The following SCAI variants were observed in gnomAD, a reference collection of about 807,000 sequenced individuals.
The protein encoded by SCAI is protein SCAI.
SCAI carries 24 observed loss-of-function variants against 92.2 expected under a neutral mutation model. That is an observed-to-expected ratio of 0.26 (90% CI 0.19 to 0.37). SCAI has a LOEUF of 0.37. Among genes scored for constraint, SCAI ranks in the 10% least tolerant of loss-of-function variants. The pLI is 1.00. For synonymous variants in SCAI, 261 were observed against 258.6 expected (o/e 1.01, Z -0.09); for missense variants, 450 against 736.2 (o/e 0.61, Z 4.50).
At chr9:125,055,770 TTA>T (rs1833650111) in intron 3 of SCAI, 104 bp downstream of exon 3, 2 of 820,758 alleles carry the variant, frequency 2.4e-6, no homozygotes, top group African/African-American at 1.7e-5. Flanking sequence ...ATACAGAAAT[TTA>T]TATGACATTC....
chr9:124,960,687 G>A (rs1394709989), intron 17 of SCAI, among the ~76,000 whole-genome samples: 3 of 152,138 alleles, frequency 2.0e-5, no homozygotes, highest in African/African-American at 7.2e-5. Flanking sequence ...CTAAAAAGGA[G>A]GATAGAAGGA....
chr9:125,121,258 G>A (rs542359834), intron 2 of SCAI, among the ~76,000 whole-genome samples: 2 of 149,146 alleles, frequency 1.3e-5, no homozygotes, highest in South Asian at 4.4e-4. Context: ...TTCAGTTGAG[G>A]GTTTATGGGT....
Position 125,003,577 on chromosome 9 carries a change from G to T in SCAI, c.862-7C>A. Reference sequence around the variant, plus strand: ...TTAGTTCACTGAACTTAACCTGCAAGAAAAAAAAAAACAAACACAACCTAG... The same window carrying T: ...TTAGTTCACTGAACTTAACCTGCAATAAAAAAAAAAACAAACACAACCTAG... On this transcript the variant is annotated splice_region_variant and splice_polypyrimidine_tract_variant and intron_variant, in intron 9 of 17. Transcript: ENST00000336505. 4 of 1,254,398 alleles carry T rather than the reference G, an allele frequency of 3.2e-6. No individual in the cohort carries two copies. The highest frequency in any genetic ancestry group is 4.3e-6 in the Non-Finnish European group (4 of 926,270). 77.7% of individuals were successfully genotyped at this position (1,254,398 alleles called of 1,614,324 possible). A position where few individuals can be genotyped will look rare whatever the true frequency, so the allele number is the denominator to read the frequency against.
intron 3 of SCAI, among the ~76,000 whole-genome samples, chr9:125,039,153 C>T (rs1221023596): frequency 6.6e-6 from 1 of 152,016 alleles, no homozygotes; most frequent in African/African-American, 2.4e-5. Context: ...TTTGGGAGGC[C>T]AAGGTGGGCA....
At chr9:125,010,211 G>C (rs1280184986) in intron 9 of SCAI, among the ~76,000 whole-genome samples, 1 of 152,238 alleles carries the variant, frequency 6.6e-6, no homozygotes, top group Non-Finnish European at 1.5e-5. Context: ...CCGTGCGCGA[G>C]CCGAAGCAGG....
chr9:125,109,859 G>C (rs1834897194), intron 2 of SCAI, among the ~76,000 whole-genome samples: 1 of 152,048 alleles, frequency 6.6e-6, no homozygotes, highest in African/African-American at 2.4e-5. Flanking sequence ...GCTAATTTTT[G>C]TATTTTTTAG....
rs1165601879 is a variant in SCAI, at chr9:125,091,362, A to G, written c.99-35355T>C. Reference sequence around the variant, plus strand: ...TTTTCTGCTTAAGTTGGCTGGAATTAAGGTCTGTAATTTTCAACCAAGAAC... The same window carrying G: ...TTTTCTGCTTAAGTTGGCTGGAATTGAGGTCTGTAATTTTCAACCAAGAAC... On this transcript the variant is annotated intron_variant, in intron 2 of 17. Coordinates refer to ENST00000336505, the MANE Select transcript of SCAI (RefSeq NM_001144877.3). This position sits in a 1 kb window ranked among gnomAD's most constrained non-coding sequence, Gnocchi z 4.3. Among the ~76,000 whole-genome samples, 5 of 152,168 alleles carry G rather than the reference A, an allele frequency of 3.3e-5. No homozygotes were observed. The highest frequency in any genetic ancestry group is 7.3e-5 in the Non-Finnish European group (5 of 68,036).
Position 125,063,400 on chromosome 9 carries a change from AG to A in SCAI, c.99-7394del, listed in dbSNP as rs1185528482. On this transcript the variant is annotated intron_variant, in intron 2 of 17. Coordinates refer to ENST00000336505, the MANE Select transcript of SCAI (RefSeq NM_001144877.3). ...TCAAAGGAGGAAAAAAAAAAAAAAA[AG>A]AATGAATATAGAAAAGACAGGACAA... 5.3e-5 allele frequency among the ~76,000 whole-genome samples: 8 copies of A among 151,718 alleles called. No individual in the cohort carries two copies. The East Asian group carries it at 1.2e-3, about 22-fold the overall frequency.
chr9:125,119,165 G>C (rs1351224280), intron 2 of SCAI, among the ~76,000 whole-genome samples: 1 of 152,118 alleles, frequency 6.6e-6, no homozygotes, highest in Non-Finnish European at 1.5e-5. Flanking sequence ...CGGGGGATGG[G>C]GGAGCAGTAG....
intron 13 of SCAI, among the ~76,000 whole-genome samples, chr9:124,998,408 G>A (rs536494708): frequency 7.2e-5 from 11 of 152,074 alleles, no homozygotes; most frequent in South Asian, 2.1e-4. Context: ...AGCCAAGATC[G>A]TGCCACTGCA....
intron 6 of SCAI, among the ~76,000 whole-genome samples, chr9:125,025,675 A>T (rs1832952429): frequency 6.6e-6 from 1 of 152,194 alleles, no homozygotes; most frequent in Non-Finnish European, 1.5e-5. Context: ...ATGTAAGGGG[A>T]TGACAAAAAG....
At chr9:125,074,763 G>C (rs995178422) in intron 2 of SCAI, among the ~76,000 whole-genome samples, 1 of 151,766 alleles carries the variant, frequency 6.6e-6, no homozygotes, top group Admixed American at 6.6e-5. Context: ...CCAACACTTT[G>C]GGAGGCCGAG....
intron 2 of SCAI, among the ~76,000 whole-genome samples, chr9:125,141,417 A>G (rs567514897): frequency 2.6e-5 from 4 of 152,348 alleles, no homozygotes; most frequent in African/African-American, 4.8e-5. Context: ...CTCTAGGTCA[A>G]TGCCAACATC....
chr9:125,097,447 A>G (rs968672492), intron 2 of SCAI, among the ~76,000 whole-genome samples: 2 of 152,116 alleles, frequency 1.3e-5, no homozygotes, highest in African/African-American at 4.8e-5. Flanking sequence ...AAAAAGTAAT[A>G]ATTTAGAAAA....
chr9:125,124,739 C>G (rs1835225782), intron 2 of SCAI, among the ~76,000 whole-genome samples: 1 of 152,184 alleles, frequency 6.6e-6, no homozygotes, highest in Non-Finnish European at 1.5e-5. Flanking sequence ...GTGGCCCAGT[C>G]AAGTTGACAC....
chr9:125,003,838 C>A, intron 9 of SCAI: 1 of 372,434 alleles, frequency 2.7e-6, no homozygotes, highest in Non-Finnish European at 4.9e-6. Context: ...TACATGTTTA[C>A]TAATCAATAA....
chr9:125,081,763 GGGA>G (rs1834223290), intron 2 of SCAI, among the ~76,000 whole-genome samples: 1 of 151,876 alleles, frequency 6.6e-6, no homozygotes, highest in Non-Finnish European at 1.5e-5. Flanking sequence ...TTATTAGAGA[GGGA>G]GGTTCACCAT....
intron 2 of SCAI, among the ~76,000 whole-genome samples, chr9:125,139,408 AAAC>A (rs144272857): frequency 0.027 from 4,102 of 152,158 alleles, 165 homozygotes; most frequent in African/African-American, 0.086. Flanking sequence ...CGTCTTTAAA[AAAC>A]AACAACAACA....
chr9:124,999,868 A>G (rs757688287), intron 13 of SCAI, 23 bp downstream of exon 13: 22 of 1,181,290 alleles, frequency 1.9e-5, no homozygotes, highest in Middle Eastern at 1.9e-4. Context: ...TTTTATAATA[A>G]GAGTAGACAC....
Sources: allele counts gnomAD v4.1 joint callset (sites outside exome capture counted in the v4.1 genomes callset), GRCh38; gene constraint gnomAD v4.1.1; non-coding constraint Gnocchi (gnomAD v3.1); transcripts MANE v1.5; gene names NCBI Gene and HGNC (gene_info 2026-07-23, HGNC 2026-07-21).